The following RPL32 variants were observed in gnomAD, a reference collection of about 807,000 sequenced individuals.
RPL32 encodes large ribosomal subunit protein eL32.
For synonymous variants in RPL32, 61 were observed against 62.6 expected (o/e 0.98, Z 0.12); for missense variants, 117 against 173.7 (o/e 0.67, Z 1.83).
chr3:12,840,281 T>C (rs2062139545), intron 1 of RPL32, 39 bp from the exon 2 acceptor site: 1 of 1,439,926 alleles, frequency 6.9e-7, no homozygotes, highest in African/African-American at 1.4e-5. Context: ...GGAAGAATCC[T>C]GGAAGGAGGC....
chr3:12,839,601 A>G (rs2124884904), intron 2 of RPL32, 71 bp from the exon 3 acceptor site: 1 of 1,433,312 alleles, frequency 7.0e-7, no homozygotes, highest in Non-Finnish European at 9.8e-7. Flanking sequence ...GGGAGGGAAA[A>G]AAAGGACCAA....
At position 12,839,547 on chromosome 3, in the gene RPL32, A is replaced by G; in HGVS notation, c.97-17T>C. ...CCAGTTACGCTGAAGGAAATAATAC[A>G]CAGGTGGGTTAGCGTCTGTGCAGAG... On this transcript the variant is annotated splice_polypyrimidine_tract_variant and intron_variant, in intron 2 of 3. Transcript: ENST00000429711. The G allele has an allele frequency of 6.2e-7, 1 of 1,613,578 alleles. No individual in the cohort carries two copies. The highest frequency in any genetic ancestry group is 8.5e-7 in the Non-Finnish European group (1 of 1,179,476).
At chr3:12,836,772 T>G (rs2124882655) in intron 3 of RPL32, among the ~76,000 whole-genome samples, 1 of 152,338 alleles carries the variant, frequency 6.6e-6, no homozygotes, top group Admixed American at 6.5e-5. Flanking sequence ...TTCTAACTCA[T>G]TCCTCACAAC....
rs1349162022 is a variant in RPL32 at position 12,835,152 on chromosome 3, C to T, written c.*942G>A. 1.3e-5 allele frequency: 2 copies of T among 152,208 alleles called. No homozygotes were observed. The highest frequency in any genetic ancestry group is 1.9e-4 in the East Asian group (1 of 5,200). The allele number at this position is 152,208 out of a possible 1,614,324, so 9.4% of individuals were successfully genotyped here. A position where few individuals can be genotyped will look rare whatever the true frequency, so the allele number is the denominator to read the frequency against. On this transcript the variant is annotated 3_prime_UTR_variant, in exon 4 of 4. Coordinates refer to ENST00000429711, the MANE Select transcript of RPL32 (RefSeq NM_000994.4). ...CATATCCCTCATGACCTATATACTACAGAAGATGCCTGTAATCCCAGTACT... is the reference window on the plus strand; with the variant it reads ...CATATCCCTCATGACCTATATACTATAGAAGATGCCTGTAATCCCAGTACT...
intron 3 of RPL32, among the ~76,000 whole-genome samples, chr3:12,838,842 T>C (rs2062122192): frequency 6.6e-6 from 1 of 152,196 alleles, no homozygotes; most frequent in Admixed American, 6.5e-5. Context: ...TTATGTGTAT[T>C]TGATTGATGT....
chr3:12,839,420 C>T lies in RPL32; in HGVS notation c.207G>A (p.Met69Ile), dbSNP rs1162457508. The change falls in exon 3 of 4, where the codon ATG becomes ATA. Residue 69 changes from methionine to isoleucine, a missense_variant. By Grantham distance (10) the Met-to-Ile change is conservative (BLOSUM62 1). Coordinates refer to ENST00000429711, the MANE Select transcript of RPL32 (RefSeq NM_000994.4). Reference protein sequence around the residue: ...GYGSNKKTKHMLPSGFRKFLV... With the variant: ...GYGSNKKTKHILPSGFRKFLV... Reference sequence around the variant, plus strand: ...GGAACTTCCGGAAGCCACTGGGCAGCATGTGCTTTGTTTTTTTGTTGCTTC... The same window carrying T: ...GGAACTTCCGGAAGCCACTGGGCAGTATGTGCTTTGTTTTTTTGTTGCTTC... The T allele has an allele frequency of 1.9e-6, 3 of 1,614,198 alleles. No individual in the cohort carries two copies. The highest frequency in any genetic ancestry group is 2.7e-5 in the African/African-American group (2 of 75,046).
At chr3:12,837,528 A>T (rs2062108910) in intron 3 of RPL32, among the ~76,000 whole-genome samples, 2 of 152,182 alleles carry the variant, frequency 1.3e-5, no homozygotes, top group Admixed American at 6.6e-5. Flanking sequence ...TGCCTGTTAC[A>T]GTTCAACTCA....
At chr3:12,840,481 G>C in intron 1 of RPL32, 1 of 654,102 alleles carries the variant, frequency 1.5e-6, no homozygotes, top group Non-Finnish European at 2.9e-6. Context: ...AGAGCCCAAA[G>C]AATGCCAACA....
chr3:12,837,576 C>T (rs1575788764), intron 3 of RPL32, among the ~76,000 whole-genome samples: 1 of 152,344 alleles, frequency 6.6e-6, no homozygotes, highest in East Asian at 1.9e-4. Flanking sequence ...CCATTAATTC[C>T]TTCGCCCATC....
chr3:12,837,320 T>C (rs1042728914), intron 3 of RPL32, among the ~76,000 whole-genome samples: 12 of 152,258 alleles, frequency 7.9e-5, no homozygotes, highest in East Asian at 7.7e-4. Context: ...CAGTGGGTTA[T>C]TGCTGCAATG....
At chr3:12,836,557 G>C (rs1381943968) in intron 3 of RPL32, among the ~76,000 whole-genome samples, 5 of 152,176 alleles carry the variant, frequency 3.3e-5, no homozygotes, top group African/African-American at 1.2e-4. Flanking sequence ...CAGGTTCAAA[G>C]GTTCTCCCCC....
At chr3:12,837,342 T>C (rs2062107781) in intron 3 of RPL32, among the ~76,000 whole-genome samples, 1 of 152,246 alleles carries the variant, frequency 6.6e-6, no homozygotes, top group African/African-American at 2.4e-5. Context: ...CTAGCTTTAG[T>C]TTGCCTGCTT....
chr3:12,840,027 A>G, intron 2 of RPL32, 115 bp downstream of exon 2: 2 of 852,410 alleles, frequency 2.3e-6, no homozygotes, highest in Non-Finnish European at 4.0e-6. Context: ...TTTCTACAGA[A>G]AGCTCTTCCA....
chr3:12,838,796 G>T (rs887416293), intron 3 of RPL32, among the ~76,000 whole-genome samples: 1 of 152,060 alleles, frequency 6.6e-6, no homozygotes, highest in Non-Finnish European at 1.5e-5. Flanking sequence ...CCAAAACCTC[G>T]AAGTGCCGCC....
intron 3 of RPL32, chr3:12,839,025 G>A (rs1485881241): frequency 2.5e-6 from 1 of 398,780 alleles, no homozygotes; most frequent in Non-Finnish European, 4.6e-6. Context: ...CCTTCATAAA[G>A]AAAGCAACAT....
chr3:12,838,138 A>G (rs1009934088), intron 3 of RPL32, among the ~76,000 whole-genome samples: 2 of 152,240 alleles, frequency 1.3e-5, no homozygotes, highest in Admixed American at 1.3e-4. Context: ...CAGGCATAGT[A>G]GCTCATGCCT....
At chr3:12,840,622 G>A (rs2062144197) in intron 1 of RPL32, 5 of 426,908 alleles carry the variant, frequency 1.2e-5, no homozygotes, top group Admixed American at 1.1e-4. Flanking sequence ...TTGAACCTGA[G>A]TCTTTTCCTC....
rs775177712 is a variant in RPL32 at position 12,835,112 on chromosome 3, A to T, written c.*982T>A. On this transcript the variant is annotated 3_prime_UTR_variant, in exon 4 of 4. Transcript: ENST00000429711. ...AACATCCTGTAAGCATTTCTGTCTC[A>T]TAAGTACCACATCCCATATCCCTCA... 6.6e-6 allele frequency: 1 copy of T among 152,230 alleles called. No homozygotes were observed. Among genetic ancestry groups the T allele is most frequent in the African/African-American group, 2.4e-5 (1 of 41,464 alleles). 9.4% of individuals were successfully genotyped at this position (152,230 alleles called of 1,614,324 possible). A position where few individuals can be genotyped will look rare whatever the true frequency, so the allele number is the denominator to read the frequency against.
chr3:12,837,396 TC>T (rs1413618732), intron 3 of RPL32, among the ~76,000 whole-genome samples: 2 of 152,212 alleles, frequency 1.3e-5, no homozygotes, highest in African/African-American at 4.8e-5. Flanking sequence ...AACTTAGAGA[TC>T]AAACGTCAAA....
Sources: allele counts gnomAD v4.1 joint callset (sites outside exome capture counted in the v4.1 genomes callset), GRCh38; gene constraint gnomAD v4.1.1; transcripts MANE v1.5; gene names NCBI Gene and HGNC (gene_info 2026-07-23, HGNC 2026-07-21).